Variants in ZNF454 observed in about 807,000 individuals in gnomAD.
The protein encoded by ZNF454 is zinc finger protein 454.
Under a neutral mutation model 48.2 loss-of-function variants are expected in ZNF454, and 30 were observed. The ratio of observed to expected loss-of-function variants is 0.62; its 90% CI spans 0.47 to 0.84. ZNF454 has a LOEUF of 0.84. Among genes scored for constraint, ZNF454 ranks in the 40% least tolerant of loss-of-function variants. ZNF454 has a pLI of 0.00. For synonymous variants in ZNF454, 204 were observed against 211.4 expected (o/e 0.97, Z 0.30); for missense variants, 510 against 623.1 (o/e 0.82, Z 1.93).
At chr5:178,983,499 T>G in the ZNF454 span, 1 of 645,374 alleles carries the variant, frequency 1.5e-6, no homozygotes, top group African/African-American at 1.8e-5. Flanking sequence ...CAGTGCAGTG[T>G]GCATAAGGGG....
intron 2 of ZNF454, among the ~76,000 whole-genome samples, chr5:178,943,407 T>C (rs1376479021): frequency 6.6e-6 from 1 of 152,072 alleles, no homozygotes; most frequent in Non-Finnish European, 1.5e-5. Flanking sequence ...AATTCACTCA[T>C]CACCAAGAGG....
intron 4 of ZNF454, among the ~76,000 whole-genome samples, chr5:178,962,304 CT>C (rs1760033696): frequency 6.6e-6 from 1 of 151,012 alleles, no homozygotes; most frequent in Admixed American, 6.7e-5. Context: ...TCAAGGTAAT[CT>C]TCAGTTTTCA....
At chr5:178,985,590 C>A in the ZNF454 span, 4 of 348,680 alleles carry the variant, frequency 1.1e-5, no homozygotes, top group African/African-American at 2.2e-5. Flanking sequence ...GTAGTCCCAG[C>A]TACTCGGGAG....
chr5:178,975,204 CCGGGAGG>C, the ZNF454 span, among the ~76,000 whole-genome samples: 8 of 152,104 alleles, frequency 5.3e-5, no homozygotes, highest in Admixed American at 4.6e-4. Flanking sequence ...TCACTTGAAC[CCGGGAGG>C]TGGAGGCTGC....
chr5:178,985,095 C>T, the ZNF454 span, among the ~76,000 whole-genome samples: 2 of 152,282 alleles, frequency 1.3e-5, no homozygotes, highest in East Asian at 3.9e-4. Context: ...GAATTCGATG[C>T]TCTTCCACAG....
rs931213661 is a variant in ZNF454, at chr5:178,946,234, G to A, written c.34-125G>A. ...AAGAGTGATGAACTTGTCACAGAAC[G>A]CCAGCTCCCTGTGTGCCAGCAGTCC... On this transcript the variant is annotated intron_variant, in intron 2 of 4. Coordinates refer to ENST00000519564, the MANE Select transcript of ZNF454 (RefSeq NM_001178089.3). This position sits in a 1 kb window ranked among gnomAD's most constrained non-coding sequence, Gnocchi z 4.5. 22 of 1,326,838 alleles carry A rather than the reference G, an allele frequency of 1.7e-5. No individual in the cohort carries two copies. The highest frequency in any genetic ancestry group is 1.5e-4 in the Admixed American group (6 of 40,928). 82.2% of individuals were successfully genotyped at this position (1,326,838 alleles called of 1,614,324 possible).
At chr5:178,976,159 C>T in the ZNF454 span, 1 of 455,188 alleles carries the variant, frequency 2.2e-6, no homozygotes, top group Non-Finnish European at 4.4e-6. Flanking sequence ...CTCCCCACCT[C>T]CTTCAGATGA....
In ZNF454 at chr5:178,946,147, T is replaced by C. The variant is rs760085069; in HGVS notation, c.34-212T>C. Among the ~76,000 whole-genome samples, 8 of 152,060 alleles carry C rather than the reference T, an allele frequency of 5.3e-5. No individual in the cohort carries two copies. The highest frequency in any genetic ancestry group is 1.0e-4 in the Non-Finnish European group (7 of 68,004). The stretch of plus-strand genomic sequence containing the variant: ...CTGAGAAAGCCTATCTTCGCCACCA[T>C]ATATGTTTCTTCAGCGTGGAGAGCA... On this transcript the variant is annotated intron_variant, in intron 2 of 4. Transcript: ENST00000519564. This position sits in a 1 kb window ranked among gnomAD's most constrained non-coding sequence, Gnocchi z 4.5.
intron 4 of ZNF454, among the ~76,000 whole-genome samples, chr5:178,955,808 T>G (rs1433044608): frequency 6.6e-6 from 1 of 152,208 alleles, no homozygotes; most frequent in African/African-American, 2.4e-5. Context: ...GCAGAAGACT[T>G]GTGGGACAGT....
rs775061413 is a variant in ZNF454 at position 178,964,813 on chromosome 5, T to C, written c.409T>C (p.Leu137=). The C allele has an allele frequency of 6.2e-7, 1 of 1,614,132 alleles. No homozygotes were observed. The highest frequency in any genetic ancestry group is 1.1e-5 in the South Asian group (1 of 91,068). Residue 137 remains leucine, a synonymous_variant, in exon 5 of 5, where the codon TTG becomes CTG. Transcript: ENST00000519564. ...EWQCGGQEIS[L]QRVVLTHPNT... ...GCAATGTGGAGGCCAGGAGATCAGT[T>C]TGCAGCGAGTGGTACTCACTCACCC...
At chr5:178,982,698 A>T in the ZNF454 span, 2 of 394,926 alleles carry the variant, frequency 5.1e-6, no homozygotes, top group Non-Finnish European at 8.8e-6. Context: ...ATGATAAAAA[A>T]AAAAAAGAAA....
downstream of ZNF454, among the ~76,000 whole-genome samples, chr5:178,970,091 G>A (rs1480794627): frequency 6.6e-6 from 1 of 152,154 alleles, no homozygotes; most frequent in African/African-American, 2.4e-5. Flanking sequence ...AGGCTTCCAG[G>A]TTACTGTGGC....
intron 4 of ZNF454, among the ~76,000 whole-genome samples, chr5:178,947,519 C>G (rs1328071966): frequency 6.6e-6 from 1 of 152,174 alleles, no homozygotes; most frequent in Non-Finnish European, 1.5e-5. Flanking sequence ...TGCCATGGAG[C>G]CCAGGTTATT....
the ZNF454 span, chr5:178,987,068 AAGG>A: frequency 7.2e-7 from 1 of 1,383,032 alleles, no homozygotes; most frequent in Non-Finnish European, 1.0e-6. Context: ...CAGCAGGAGA[AAGG>A]AGGAGCTTAA....
intron 4 of ZNF454, among the ~76,000 whole-genome samples, chr5:178,957,552 G>A (rs1288030217): frequency 6.6e-6 from 1 of 152,026 alleles, no homozygotes; most frequent in Admixed American, 6.6e-5. Flanking sequence ...TGGGACTACA[G>A]TCGCCTGCCA....
At chr5:178,983,449 T>C in the ZNF454 span, 4 of 694,856 alleles carry the variant, frequency 5.8e-6, no homozygotes, top group Non-Finnish European at 1.1e-5. Context: ...ACCTGGCAGC[T>C]GCGGAGAAGG....
rs913349366 is a variant in ZNF454, at chr5:178,964,974, T to C, written c.570T>C (p.Ser190=). 1 of 1,614,052 alleles carries C rather than the reference T, an allele frequency of 6.2e-7. No individual in the cohort carries two copies. Among genetic ancestry groups the C allele is most frequent in the African/African-American group, 1.3e-5 (1 of 74,990 alleles). Residue 190 remains serine, a synonymous_variant, in exon 5 of 5, where the codon AGT becomes AGC. Transcript: ENST00000519564. ...CSECGKVFSK[S]STLNKHQKIH... The stretch of plus-strand genomic sequence containing the variant: ...AGTGTGGAAAAGTCTTCTCTAAGAG[T>C]TCAACTCTTAATAAACATCAGAAAA...
chr5:178,986,051 T>C, the ZNF454 span: 1 of 1,353,050 alleles, frequency 7.4e-7, no homozygotes, highest in South Asian at 1.4e-5. Context: ...CGTGTGCCAC[T>C]GTGCCTGGCC....
chr5:178,957,342 T>C (rs540865115), intron 4 of ZNF454, among the ~76,000 whole-genome samples: 6 of 152,306 alleles, frequency 3.9e-5, no homozygotes, highest in African/African-American at 1.4e-4. Context: ...TGGAACATAC[T>C]ACTTGCATGC....
Sources: gnomAD v4.1 joint callset for allele counts (sites outside exome capture counted in the v4.1 genomes callset) on GRCh38, gnomAD v4.1.1 for gene constraint, Gnocchi (gnomAD v3.1) non-coding constraint, MANE v1.5 for transcripts, NCBI Gene and HGNC (gene_info 2026-07-23, HGNC 2026-07-21) for gene names.